Variants in VGLL1 observed in about 807,000 individuals in gnomAD.
VGLL1 encodes vestigial like family member 1, also known as transcription cofactor vestigial-like protein 1.
A neutral mutation model predicts 12.0 loss-of-function variants in VGLL1; 4 were observed. The ratio of observed to expected loss-of-function variants is 0.33; its 90% confidence interval spans 0.16 to 0.76. The LOEUF (loss-of-function observed/expected upper bound fraction) is 0.76, where lower values mean the gene tolerates loss of function less well. Among genes scored for constraint, VGLL1 ranks in the 30% least tolerant of loss-of-function variants. The probability of loss-of-function intolerance (pLI) is 0.60; values close to 1 mark genes in which losing one functional copy is unlikely to be tolerated. For missense variants in VGLL1, 204 were observed against 208.7 expected, an observed-to-expected ratio of 0.98 and a Z score of 0.14; for synonymous variants, 87 against 81.2, an observed-to-expected ratio of 1.07 and a Z score of -0.39.
intron 1 of VGLL1, among the ~76,000 whole-genome samples, chrX:136,532,582 TTTCTTTCTTTC>T (rs1456967477): frequency 3.3e-4 from 3 of 9,183 alleles, no homozygotes; most frequent in African/African-American, 1.3e-3. Flanking sequence ...TATTTCTTTC[TTTCTTTCTTTC>T]TTTCTTTCTT....
intron 4 of VGLL1, among the ~76,000 whole-genome samples, chrX:136,552,214 T>C (rs1446588394): frequency 8.9e-6 from 1 of 112,156 alleles, no homozygotes; most frequent in African/African-American, 3.2e-5. Context: ...TCCAATGTAG[T>C]AAAAATTATT....
chrX:136,555,345 T>C (rs1421505662), intron 4 of VGLL1, among the ~76,000 whole-genome samples: 1 of 111,741 alleles, frequency 8.9e-6, no homozygotes, highest in East Asian at 2.8e-4. Flanking sequence ...GAACCAGAGA[T>C]GAGAAAGTGG....
chrX:136,545,744 C>T (rs903586851), intron 2 of VGLL1, among the ~76,000 whole-genome samples: 3 of 111,174 alleles, frequency 2.7e-5, no homozygotes, highest in Non-Finnish European at 3.8e-5. Flanking sequence ...TCTGGAATGG[C>T]GGCAAACTCA....
At chrX:136,532,583 T>TTCTC (rs1465484879) in intron 1 of VGLL1, among the ~76,000 whole-genome samples, 1 of 20,168 alleles carries the variant, frequency 5.0e-5, no homozygotes. Context: ...ATTTCTTTCT[T>TTCTC]TCTTTCTTTC....
rs748721243 is a variant in VGLL1 at position 136,540,821 on chromosome X, G to A, written c.214+4587G>A. ...GGGGGTCACCGTAGAGAGGGAGTAC[G>A]GTGTGGTGTACAGCTTTAGAACCAC... On this transcript the variant is annotated intron_variant, in intron 2 of 4. Transcript: ENST00000370634. Among the ~76,000 whole-genome samples the A allele has an allele frequency of 6.3e-5, 7 of 111,548 alleles. No homozygotes were observed. In the East Asian group the frequency reaches 8.5e-4, roughly 14 times the overall value.
chrX:136,553,881 A>T (rs1265463382), intron 4 of VGLL1, among the ~76,000 whole-genome samples: 1 of 112,082 alleles, frequency 8.9e-6, no homozygotes, highest in East Asian at 2.8e-4. Flanking sequence ...TTGGAGAAAG[A>T]CATTCTGGAG....
At chrX:136,550,432 C>T (rs753035771) in intron 3 of VGLL1, 133 of 173,540 alleles carry the variant, frequency 7.7e-4, no homozygotes, top group Non-Finnish European at 1.2e-3. Flanking sequence ...CAGGCATTGT[C>T]CTATTCCTGA....
At chrX:136,545,239 TC>T (rs2075866504) in intron 2 of VGLL1, among the ~76,000 whole-genome samples, 1 of 112,071 alleles carries the variant, frequency 8.9e-6, no homozygotes, top group Non-Finnish European at 1.9e-5. Flanking sequence ...ACCACTTTCA[TC>T]CTGCTCTCTT....
intron 2 of VGLL1, among the ~76,000 whole-genome samples, chrX:136,537,804 G>A (rs768638462): frequency 1.8e-4 from 20 of 108,677 alleles, no homozygotes; most frequent in South Asian, 4.1e-4. Context: ...GACCTCGAGC[G>A]ATCCTCCCAC....
At chrX:136,540,654 G>A (rs2075853461) in intron 2 of VGLL1, among the ~76,000 whole-genome samples, 1 of 112,023 alleles carries the variant, frequency 8.9e-6, no homozygotes, top group Admixed American at 9.5e-5. Context: ...TACCCTCTGA[G>A]CTCCGTGGCA....
intron 1 of VGLL1, among the ~76,000 whole-genome samples, chrX:136,535,499 T>A (rs2075837247): frequency 9.0e-6 from 1 of 111,187 alleles, no homozygotes; most frequent in Admixed American, 9.5e-5. Context: ...GAATTTGATG[T>A]GTTTACTCCT....
At chrX:136,556,406 T>C (rs1466164316) in intron 4 of VGLL1, 45 bp from the exon 5 acceptor site, 7 of 1,109,601 alleles carry the variant, frequency 6.3e-6, no homozygotes, top group South Asian at 1.9e-5. Flanking sequence ...CAGCCTTCCA[T>C]AGGGGCCTAA....
In VGLL1 at chrX:136,555,955, C is replaced by T. The variant is rs371198852; in HGVS notation, c.689-496C>T. Among the ~76,000 whole-genome samples the T allele has an allele frequency of 1.3e-3, 146 of 110,124 alleles. 1 individual carries two copies. The highest frequency in any genetic ancestry group is 2.5e-3 in the Non-Finnish European group (131 of 52,743). ...AATGTGCAGAGAAGGCAAATGGGGA[C>T]GCTTATCTAGGGGTGAGGTTGTGGC... On this transcript the variant is annotated intron_variant, in intron 4 of 4. Coordinates refer to ENST00000370634, the MANE Select transcript of VGLL1 (RefSeq NM_016267.4).
At chrX:136,547,633 T>C (rs2075872907) in intron 2 of VGLL1, among the ~76,000 whole-genome samples, 1 of 112,020 alleles carries the variant, frequency 8.9e-6, no homozygotes, top group Non-Finnish European at 1.9e-5. Context: ...CTCCTAGAGT[T>C]GTGTGAGTGA....
chrX:136,539,276 T>C (rs1001060154), intron 2 of VGLL1, among the ~76,000 whole-genome samples: 4 of 111,850 alleles, frequency 3.6e-5, no homozygotes, highest in Non-Finnish European at 7.5e-5. Flanking sequence ...TATTGCCCCA[T>C]TTCTCTGCTT....
chrX:136,556,526 T>C lies in VGLL1; in HGVS notation c.764T>C (p.Leu255Pro). 2.5e-6 allele frequency: 3 copies of C among 1,209,889 alleles called. No individual in the cohort carries two copies. The highest frequency in any genetic ancestry group is 3.4e-6 in the Non-Finnish European group (3 of 893,868). The stretch of plus-strand genomic sequence containing the variant: ...CACTGGGGCCACCCACATCGATACC[T>C]GCAGCATCTTTAGTCAAGTTGGAGG... ...PNHWGHPHRY[L>P]QHL Residue 255 changes from leucine (L) to proline (P), a missense_variant, in exon 5 of 5, where the codon CTG becomes CCG. Leu to Pro is a moderately conservative substitution (Grantham distance 98, BLOSUM62 -3). Coordinates refer to ENST00000370634, the MANE Select transcript of VGLL1 (RefSeq NM_016267.4).
In VGLL1 at chrX:136,548,710, G is replaced by C; in HGVS notation, c.336G>C (p.Val112=). 1 of 1,212,112 alleles carries C rather than the reference G, an allele frequency of 8.3e-7. No homozygotes were observed. Among genetic ancestry groups the C allele is most frequent in the Non-Finnish European group, 1.1e-6 (1 of 895,630 alleles). ...CNLHVPGPMA[V]NQFSPSLARR... is the part of the protein sequence containing the mutation. ...TGCATGTGCCTGGTCCCATGGCTGT[G>C]AATCAGTTCTCACCGTCCCTGGCTA... The change falls in exon 3 of 5, where the codon GTG becomes GTC. Residue 112 remains valine (V), a synonymous_variant. Coordinates refer to ENST00000370634, the MANE Select transcript of VGLL1 (RefSeq NM_016267.4).
intron 4 of VGLL1, among the ~76,000 whole-genome samples, chrX:136,553,956 A>C (rs1010312895): frequency 2.1e-4 from 24 of 112,566 alleles, no homozygotes; most frequent in Admixed American, 1.9e-3. Context: ...GTCGGTAGAA[A>C]TAGACATACT....
chrX:136,542,056 C>T (rs914669919), intron 2 of VGLL1, among the ~76,000 whole-genome samples: 15 of 109,715 alleles, frequency 1.4e-4, no homozygotes, highest in African/African-American at 4.3e-4. Flanking sequence ...GTCCTGAGGC[C>T]GGCCTCAGGC....
Sources: allele counts gnomAD v4.1 joint callset (sites outside exome capture counted in the v4.1 genomes callset), GRCh38; gene constraint gnomAD v4.1.1; transcripts MANE v1.5; gene names NCBI Gene and HGNC (gene_info 2026-07-23, HGNC 2026-07-21).